GPRC5A: variants seen among roughly 807,000 people sequenced by gnomAD.
GPRC5A encodes G protein-coupled receptor class C group 5 member A.
In GPRC5A, 19 loss-of-function variants were observed where a neutral mutation model predicts 22.5. The ratio of observed to expected loss-of-function variants is 0.85; its 90% CI spans 0.59 to 1.24. The LOEUF (loss-of-function observed/expected upper bound fraction) is 1.24, where lower values mean the gene tolerates loss of function less well. Among genes scored for constraint, GPRC5A ranks in the 50% most tolerant of loss-of-function variants. The pLI is 0.00. For missense variants in GPRC5A, 471 were observed against 451.1 expected, an observed-to-expected ratio of 1.04 and a Z score of -0.40; for synonymous variants, 192 against 184.5, an observed-to-expected ratio of 1.04 and a Z score of -0.33.
Position 12,909,044 on chromosome 12 carries a change from T to C in GPRC5A, c.795T>C (p.Phe265=). 6.2e-7 allele frequency: 1 copy of C among 1,612,304 alleles called. No individual in the cohort carries two copies. Among genetic ancestry groups the C allele is most frequent in the Non-Finnish European group, 8.5e-7 (1 of 1,180,014 alleles). ...TGTTGGCTTATGTTAGTCCCGAGTTTTGGCTGCTCACAAAGCAACGAAACC... is the reference window on the plus strand; with the variant it reads ...TGTTGGCTTATGTTAGTCCCGAGTTCTGGCTGCTCACAAAGCAACGAAACC... The part of the protein sequence containing the change: ...VFLLAYVSPE[F]WLLTKQRNPM... Residue 265 remains phenylalanine, a synonymous_variant, in exon 2 of 4, where the codon TTT becomes TTC. Transcript: ENST00000014914.
intron 1 of GPRC5A, among the ~76,000 whole-genome samples, chr12:12,903,205 A>AT (rs940599046): frequency 6.6e-6 from 1 of 150,534 alleles, no homozygotes; most frequent in Non-Finnish European, 1.5e-5. Flanking sequence ...TATAGTAATA[A>AT]TTTTTTGAAA....
At chr12:12,907,031 G>A (rs894769527) in intron 1 of GPRC5A, among the ~76,000 whole-genome samples, 1 of 150,858 alleles carries the variant, frequency 6.6e-6, no homozygotes, top group Non-Finnish European at 1.5e-5. Flanking sequence ...TCCAGCCTGG[G>A]CAAAAAGAGC....
intron 1 of GPRC5A, among the ~76,000 whole-genome samples, chr12:12,906,653 A>G (rs1038312759): frequency 1.3e-5 from 2 of 152,224 alleles, no homozygotes; most frequent in Non-Finnish European, 2.9e-5. Flanking sequence ...CCCGCTATTT[A>G]TGTGCCATCC....
At chr12:12,893,680 A>C (rs1863789285) in intron 1 of GPRC5A, among the ~76,000 whole-genome samples, 1 of 152,220 alleles carries the variant, frequency 6.6e-6, no homozygotes, top group African/African-American at 2.4e-5. Context: ...GAGATGGCAA[A>C]CTATGGTCCA....
At chr12:12,900,477 G>A (rs7138093) in intron 1 of GPRC5A, among the ~76,000 whole-genome samples, 2,585 of 152,258 alleles carry the variant, frequency 0.017, 85 homozygotes, top group African/African-American at 0.059. Context: ...TCTCCCTAAA[G>A]GGGAGGAGGA....
chr12:12,909,651 C>T (rs186453079), intron 2 of GPRC5A: 1 of 155,728 alleles, frequency 6.4e-6, no homozygotes, highest in Admixed American at 6.2e-5. Context: ...CTGCAGTGAT[C>T]ACAGAGCAGA....
At position 12,917,613 on chromosome 12, in the gene GPRC5A, CT is replaced by C. The variant is rs2136466498; in HGVS notation, c.*5075del. Reference sequence around the variant, plus strand: ...CTGTTGCCTTTTCTTCCCCTGATTTCTCCTCTGGTCATCTCCTCTCCCTTCT... The same window carrying C: ...CTGTTGCCTTTTCTTCCCCTGATTTCCCTCTGGTCATCTCCTCTCCCTTCT... On this transcript the variant is annotated 3_prime_UTR_variant, in exon 4 of 4. Coordinates refer to ENST00000014914, the MANE Select transcript of GPRC5A (RefSeq NM_003979.4). 1 of 152,368 alleles carries C rather than the reference CT, an allele frequency of 6.6e-6. No individual in the cohort carries two copies. Among genetic ancestry groups the C allele is most frequent in the South Asian group, 2.1e-4 (1 of 4,820 alleles). 9.4% of individuals were successfully genotyped at this position (152,368 alleles called of 1,614,324 possible).
chr12:12,908,343 G>C lies in GPRC5A; in HGVS notation c.94G>C (p.Glu32Gln). The stretch of plus-strand genomic sequence containing the variant: ...GGCTGAAGCTTGGGGCATCGTCCTA[G>C]AAACGGTGGCCACAGCCGGGGTTGT... ...DKAEAWGIVL[E>Q]TVATAGVVTS... The change falls in exon 2 of 4, where the codon GAA (glutamate) becomes CAA (glutamine). Residue 32 changes from glutamate to glutamine, a missense_variant. Glu to Gln is a conservative substitution (Grantham distance 29). Coordinates refer to ENST00000014914, the MANE Select transcript of GPRC5A (RefSeq NM_003979.4). 1 of 1,614,052 alleles carries C rather than the reference G, an allele frequency of 6.2e-7. No individual in the cohort carries two copies. Among genetic ancestry groups the C allele is most frequent in the Non-Finnish European group, 8.5e-7 (1 of 1,179,952 alleles).
At chr12:12,899,697 T>C (rs546327514) in intron 1 of GPRC5A, among the ~76,000 whole-genome samples, 1 of 152,354 alleles carries the variant, frequency 6.6e-6, no homozygotes, top group South Asian at 2.1e-4. Context: ...ACAGTAGCTG[T>C]CATTATTCTT....
chr12:12,908,506 T>C lies in GPRC5A; in HGVS notation c.257T>C (p.Ile86Thr). Residue 86 changes from isoleucine to threonine, a missense_variant, in exon 2 of 4, where the codon ATC (isoleucine) becomes ACC (threonine). Coordinates refer to ENST00000014914, the MANE Select transcript of GPRC5A (RefSeq NM_003979.4). The part of the protein sequence containing the change: ...LGIFGLTFAF[I>T]IGLDGSTGPT... ...ATCTTTGGCCTCACCTTCGCCTTCA[T>C]CATCGGACTGGACGGGAGCACAGGG... is the stretch of plus-strand genomic sequence containing the variant. 6.2e-7 allele frequency: 1 copy of C among 1,614,180 alleles called. No individual in the cohort carries two copies.
At chr12:12,906,155 T>A (rs1863939276) in intron 1 of GPRC5A, among the ~76,000 whole-genome samples, 1 of 152,208 alleles carries the variant, frequency 6.6e-6, no homozygotes, top group Non-Finnish European at 1.5e-5. Context: ...GGTTGTATGA[T>A]GTTGGGCATG....
chr12:12,912,117 C>T lies in GPRC5A; in HGVS notation c.956C>T (p.Pro319Leu), dbSNP rs1377720697. ...GAGACAGGGGACACGCTCTATGCCCCCTATTCCACACATTTTCAGCTGCAG... is the reference window on the plus strand; with the variant it reads ...GAGACAGGGGACACGCTCTATGCCCTCTATTCCACACATTTTCAGCTGCAG... ...FEETGDTLYA[P>L]YSTHFQLQNQ... Residue 319 changes from proline to leucine, a missense_variant, in exon 3 of 4, where the codon CCC becomes CTC. Coordinates refer to ENST00000014914, the MANE Select transcript of GPRC5A (RefSeq NM_003979.4). The T allele has an allele frequency of 6.2e-7, 1 of 1,613,118 alleles. No homozygotes were observed. Among genetic ancestry groups the T allele is most frequent in the African/African-American group, 1.3e-5 (1 of 75,020 alleles).
rs374072298 is a variant in GPRC5A, at chr12:12,915,817, C to T, written c.*3278C>T. ...AGGCATGAGCCACCGCGCCCGGCCC[C>T]GTTGTTTCCCTTCTAAGAAACGCAG... On this transcript the variant is annotated 3_prime_UTR_variant, in exon 4 of 4. Transcript: ENST00000014914. 2.5e-5 allele frequency: 13 copies of T among 514,724 alleles called. 1 individual carries two copies. Among genetic ancestry groups the T allele is most frequent in the African/African-American group, 2.1e-4 (11 of 51,456 alleles). The allele number at this position is 514,724 out of a possible 1,614,324, so 31.9% of individuals were successfully genotyped here. A position where few individuals can be genotyped will look rare whatever the true frequency, so the allele number is the denominator to read the frequency against.
chr12:12,911,690 T>G (rs1243681150), intron 2 of GPRC5A, among the ~76,000 whole-genome samples: 8 of 151,928 alleles, frequency 5.3e-5, no homozygotes, highest in East Asian at 1.9e-4. Context: ...GGGTTTCACC[T>G]TGTTAGCCAG....
chr12:12,910,845 A>G (rs1281218911), intron 2 of GPRC5A, among the ~76,000 whole-genome samples: 1 of 150,664 alleles, frequency 6.6e-6, no homozygotes, highest in Admixed American at 6.6e-5. Flanking sequence ...CATTCTGGTT[A>G]ATCTTTATGT....
At chr12:12,895,323 G>T (rs1303569309) in intron 1 of GPRC5A, among the ~76,000 whole-genome samples, 1 of 143,442 alleles carries the variant, frequency 7.0e-6, no homozygotes, top group Non-Finnish European at 1.5e-5. Flanking sequence ...TTTAACTCTT[G>T]TGTATCTTTT....
At chr12:12,903,582 T>C (rs1008944241) in intron 1 of GPRC5A, among the ~76,000 whole-genome samples, 1 of 152,240 alleles carries the variant, frequency 6.6e-6, no homozygotes, top group African/African-American at 2.4e-5. Context: ...CCACTGCGGC[T>C]GGCCTAAATA....
At chr12:12,894,277 T>G (rs992871550) in intron 1 of GPRC5A, among the ~76,000 whole-genome samples, 1 of 152,230 alleles carries the variant, frequency 6.6e-6, no homozygotes, top group African/African-American at 2.4e-5. Context: ...TATTTAAGTA[T>G]CCATAGAACA....
chr12:12,914,902 G>A lies in GPRC5A; in HGVS notation c.*2363G>A, dbSNP rs953810170. On this transcript the variant is annotated 3_prime_UTR_variant, in exon 4 of 4. Transcript: ENST00000014914. ...CCCAAAGTGCTGGGATTACGGGTGG[G>A]AATCACCATGCCCAGCCTCCTTTCC... The A allele has an allele frequency of 3.9e-5, 6 of 152,032 alleles. No individual in the cohort carries two copies. Among genetic ancestry groups the A allele is most frequent in the African/African-American group, 1.5e-4 (6 of 41,362 alleles). 9.4% of individuals were successfully genotyped at this position (152,032 alleles called of 1,614,324 possible). A position where few individuals can be genotyped will look rare whatever the true frequency, so the allele number is the denominator to read the frequency against.
Sources: allele counts gnomAD v4.1 joint callset (sites outside exome capture counted in the v4.1 genomes callset), GRCh38; gene constraint gnomAD v4.1.1; transcripts MANE v1.5; gene names NCBI Gene and HGNC (gene_info 2026-07-23, HGNC 2026-07-21).